FUT8: variants seen among roughly 807,000 people sequenced by gnomAD.
FUT8 encodes the protein fucosyltransferase 8.
Under a neutral mutation model 71.3 loss-of-function variants are expected in FUT8, and 29 were observed. That is an observed-to-expected ratio of 0.41 (90% confidence interval 0.30 to 0.55). The LOEUF (loss-of-function observed/expected upper bound fraction) is 0.55, where lower values mean the gene tolerates loss of function less well. FUT8 is among the 20% of genes least tolerant of loss of function. FUT8 has a pLI of 0.34. For synonymous variants in FUT8, 254 were observed against 239.3 expected, an observed-to-expected ratio of 1.06 and a Z score of -0.57; for missense variants, 544 against 702.1, an observed-to-expected ratio of 0.77 and a Z score of 2.55.
rs186416935 is a variant in FUT8 at position 65,729,745 on chromosome 14, A to G, written c.1260-3486A>G. Among the ~76,000 whole-genome samples the G allele has an allele frequency of 1.2e-3, 182 of 152,296 alleles. 3 individuals are homozygous for G. Among genetic ancestry groups the G allele is most frequent in the Admixed American group, 0.011 (173 of 15,292 alleles). On this transcript the variant is annotated intron_variant, in intron 9 of 10. Transcript: ENST00000673929. ...GACAGTTTTATACCAAACAACCCTT[A>G]TAGTACAGTTGGCAGTATCTACTTG...
intron 6 of FUT8, among the ~76,000 whole-genome samples, chr14:65,641,490 T>C (rs1235645177): frequency 1.3e-5 from 2 of 152,222 alleles, no homozygotes; most frequent in African/African-American, 4.8e-5. Context: ...CAAGCCTTTC[T>C]GTGGGCATAT....
At chr14:65,693,606 G>A (rs1893830587) in intron 7 of FUT8, among the ~76,000 whole-genome samples, 1 of 152,196 alleles carries the variant, frequency 6.6e-6, no homozygotes, top group African/African-American at 2.4e-5. Flanking sequence ...CTAATATTTT[G>A]TTGAGGATTT....
intron 2 of FUT8, among the ~76,000 whole-genome samples, chr14:65,527,373 G>C (rs1484963124): frequency 6.6e-6 from 1 of 152,150 alleles, no homozygotes; most frequent in Non-Finnish European, 1.5e-5. Context: ...TGAAGCTTGT[G>C]CATGTGTCAT....
intron 2 of FUT8, among the ~76,000 whole-genome samples, chr14:65,505,314 T>A: frequency 7.2e-6 from 1 of 139,208 alleles, no homozygotes; most frequent in African/African-American, 2.7e-5. Context: ...CAGTTTTTTT[T>A]TTTTTTTTTT....
intron 2 of FUT8, among the ~76,000 whole-genome samples, chr14:65,541,912 C>G (rs867076544): frequency 6.6e-6 from 1 of 152,118 alleles, no homozygotes; most frequent in African/African-American, 2.4e-5. Context: ...TTCTAGTTTT[C>G]TCTTGCAATT....
At chr14:65,516,959 C>T (rs544698197) in intron 2 of FUT8, among the ~76,000 whole-genome samples, 22 of 150,794 alleles carry the variant, frequency 1.5e-4, no homozygotes, top group African/African-American at 5.4e-4. Context: ...TGAGTGGAAC[C>T]ACACAAAATA....
intron 7 of FUT8, among the ~76,000 whole-genome samples, chr14:65,718,996 A>G (rs1895267476): frequency 6.6e-6 from 1 of 152,104 alleles, no homozygotes; most frequent in East Asian, 1.9e-4. Flanking sequence ...TTGAATATTG[A>G]TATCTTTGTC....
intron 2 of FUT8, among the ~76,000 whole-genome samples, chr14:65,484,530 C>G (rs769031514): frequency 1.3e-5 from 2 of 151,642 alleles, no homozygotes; most frequent in Non-Finnish European, 2.9e-5. Context: ...TTTTATTAGC[C>G]AGACATGGTG....
At chr14:65,735,959 A>G (rs1379159385) in intron 10 of FUT8, among the ~76,000 whole-genome samples, 2 of 152,166 alleles carry the variant, frequency 1.3e-5, no homozygotes, top group Non-Finnish European at 2.9e-5. Context: ...CATCATTGCC[A>G]ATAGAGCGTG....
chr14:65,620,705 A>G (rs982675659), intron 5 of FUT8, among the ~76,000 whole-genome samples: 2 of 152,284 alleles, frequency 1.3e-5, no homozygotes, highest in South Asian at 2.1e-4. Context: ...GGAAGGGAGG[A>G]AGGAAGATCT....
At chr14:65,520,617 AT>A (rs540131759) in intron 2 of FUT8, among the ~76,000 whole-genome samples, 53 of 149,128 alleles carry the variant, frequency 3.6e-4, no homozygotes, top group African/African-American at 1.0e-3. Context: ...TAGCAACCTT[AT>A]TTTTTTTTTA....
chr14:65,434,515 G>A (rs754138267), intron 1 of FUT8, among the ~76,000 whole-genome samples: 23 of 149,840 alleles, frequency 1.5e-4, no homozygotes, highest in Non-Finnish European at 2.8e-4. Context: ...ATAGGGAAAA[G>A]GAATTTGAAG....
rs574435965 is a variant in FUT8 at position 65,472,951 on chromosome 14, A to C, written c.-228+17233A>C. On this transcript the variant is annotated intron_variant, in intron 2 of 10. Coordinates refer to ENST00000673929, the MANE Select transcript of FUT8 (RefSeq NM_001371533.1). The surrounding 1 kb of genome is among the most constrained non-coding windows in gnomAD (Gnocchi z 4.4). ...CTTTAGAAAACTTTACATTGAAAAG[A>C]TCACATTATAGATAATTTAGACAAC... Among the ~76,000 whole-genome samples the C allele has an allele frequency of 6.6e-6, 1 of 152,288 alleles. No individual in the cohort carries two copies. The highest frequency in any genetic ancestry group is 2.4e-5 in the African/African-American group (1 of 41,578).
chr14:65,460,567 C>G (rs561914384), intron 2 of FUT8, among the ~76,000 whole-genome samples: 21 of 152,062 alleles, frequency 1.4e-4, no homozygotes, highest in Non-Finnish European at 2.6e-4. Context: ...GAGTAGTAAA[C>G]TGTTCTTTGT....
At chr14:65,708,541 G>T (rs1415544979) in intron 7 of FUT8, among the ~76,000 whole-genome samples, 1 of 151,912 alleles carries the variant, frequency 6.6e-6, no homozygotes, top group African/African-American at 2.4e-5. Context: ...TAAGTTTTCA[G>T]TGTATGGATT....
At chr14:65,491,938 G>A (rs1007424445) in intron 2 of FUT8, among the ~76,000 whole-genome samples, 10 of 152,086 alleles carry the variant, frequency 6.6e-5, no homozygotes, top group Admixed American at 5.2e-4. Flanking sequence ...GGTGTCATGT[G>A]TTGTGATGTA....
chr14:65,411,950 C>G (rs1007949469), upstream of FUT8: 2 of 448,714 alleles, frequency 4.5e-6, no homozygotes, highest in Admixed American at 2.4e-5. Flanking sequence ...CTTCGGTCCA[C>G]TGCTCTGCAT....
chr14:65,586,014 C>G (rs1050008288), intron 3 of FUT8, among the ~76,000 whole-genome samples: 2 of 152,044 alleles, frequency 1.3e-5, no homozygotes, highest in Non-Finnish European at 2.9e-5. Context: ...TATGGATAAC[C>G]AGTAAAGATC....
intron 7 of FUT8, among the ~76,000 whole-genome samples, chr14:65,700,576 T>C (rs1202150329): frequency 6.6e-6 from 1 of 151,686 alleles, no homozygotes; most frequent in African/African-American, 2.4e-5. Context: ...ATTTTTTTTG[T>C]TTTTAGTAGA....
Sources: allele counts gnomAD v4.1 joint callset (sites outside exome capture counted in the v4.1 genomes callset), GRCh38; gene constraint gnomAD v4.1.1; non-coding constraint Gnocchi (gnomAD v3.1); transcripts MANE v1.5; gene names NCBI Gene and HGNC (gene_info 2026-07-23, HGNC 2026-07-21).